The following CTNNA3 variants were observed in gnomAD, a reference collection of about 807,000 sequenced individuals.
CTNNA3 encodes the protein catenin alpha-3.
A neutral mutation model predicts 95.7 loss-of-function variants in CTNNA3; 76 were observed. The ratio of observed to expected loss-of-function variants is 0.79; its 90% CI spans 0.66 to 0.96. The LOEUF is 0.96. CTNNA3 is among the 40% of genes least tolerant of loss of function. The pLI is 0.00. For missense variants in CTNNA3, 1,191 were observed against 1,089.8 expected (o/e 1.09, Z -1.31); for synonymous variants, 431 against 374.4 (o/e 1.15, Z -1.74).
At chr10:67,524,364 C>A (rs1258062655) in intron 4 of CTNNA3, among the ~76,000 whole-genome samples, 1 of 144,716 alleles carries the variant, frequency 6.9e-6, no homozygotes, top group Non-Finnish European at 1.5e-5. Context: ...CGCCACTGCA[C>A]TCCAGCCTGG....
chr10:66,545,190 C>G (rs951128120), intron 10 of CTNNA3, among the ~76,000 whole-genome samples: 1 of 151,896 alleles, frequency 6.6e-6, no homozygotes, highest in South Asian at 2.1e-4. Context: ...ATAACCAATA[C>G]CCAAGTTGTG....
chr10:67,040,060 T>C (rs1854298424), intron 7 of CTNNA3, among the ~76,000 whole-genome samples: 1 of 152,098 alleles, frequency 6.6e-6, no homozygotes, highest in Non-Finnish European at 1.5e-5. Context: ...TTCATCTCTC[T>C]CTTTTTTTTG....
intron 11 of CTNNA3, among the ~76,000 whole-genome samples, chr10:66,420,431 T>C (rs752212670): frequency 8.5e-5 from 13 of 152,118 alleles, no homozygotes; most frequent in Non-Finnish European, 1.6e-4. Context: ...AAATATCACA[T>C]GCTGACAAGG....
At chr10:67,214,688 T>C (rs1459147582) in intron 6 of CTNNA3, among the ~76,000 whole-genome samples, 1 of 151,946 alleles carries the variant, frequency 6.6e-6, no homozygotes, top group Non-Finnish European at 1.5e-5. Context: ...AATATATTTA[T>C]CTTTTTTCTT....
chr10:67,723,429 T>G (rs1841191479), intron 1 of CTNNA3, among the ~76,000 whole-genome samples: 2 of 152,018 alleles, frequency 1.3e-5, no homozygotes, highest in Admixed American at 1.3e-4. Flanking sequence ...GTAGTGGAAC[T>G]ACAGGCGCAA....
At chr10:66,253,036 C>T (rs1281972314) in intron 13 of CTNNA3, among the ~76,000 whole-genome samples, 2 of 152,090 alleles carry the variant, frequency 1.3e-5, no homozygotes, top group Non-Finnish European at 2.9e-5. Flanking sequence ...GTTGTTTTCA[C>T]CATAATTTCT....
intron 16 of CTNNA3, among the ~76,000 whole-genome samples, chr10:65,972,625 T>TG (rs1025315967): frequency 6.6e-6 from 1 of 152,018 alleles, no homozygotes. Context: ...CACCTAGGCA[T>TG]GCATCTAACC....
intron 2 of CTNNA3, among the ~76,000 whole-genome samples, chr10:67,639,233 T>C (rs560030546): frequency 0.059 from 8,960 of 152,120 alleles, 288 homozygotes; most frequent in South Asian, 0.1. Context: ...AACACCTGTA[T>C]GCAAATAAAC....
intron 15 of CTNNA3, among the ~76,000 whole-genome samples, chr10:66,001,858 T>C (rs1044660551): frequency 2.0e-4 from 31 of 152,164 alleles, no homozygotes; most frequent in Middle Eastern, 3.2e-3. Flanking sequence ...TTCTTACACC[T>C]GCTGACAGTA....
At chr10:66,367,867 TAATAATAATA>T (rs1564903034) in intron 12 of CTNNA3, among the ~76,000 whole-genome samples, 44 of 54,478 alleles carry the variant, frequency 8.1e-4, no homozygotes, top group South Asian at 7.8e-4. Flanking sequence ...ATAATAATAA[TAATAATAATA>T]ATAATTATTA....
At chr10:67,477,880 G>T (rs544347259) in intron 5 of CTNNA3, among the ~76,000 whole-genome samples, 2 of 152,160 alleles carry the variant, frequency 1.3e-5, no homozygotes, top group Admixed American at 6.5e-5. Context: ...TTCAAAGCAC[G>T]AACTGCAAAT....
intron 3 of CTNNA3, among the ~76,000 whole-genome samples, chr10:67,575,042 T>C (rs952938191): frequency 6.6e-6 from 1 of 152,054 alleles, no homozygotes; most frequent in African/African-American, 2.4e-5. Flanking sequence ...TGAAATCATA[T>C]CTTCTTCTCC....
At chr10:66,867,800 A>G (rs569746909) in intron 7 of CTNNA3, among the ~76,000 whole-genome samples, 1 of 151,356 alleles carries the variant, frequency 6.6e-6, no homozygotes, top group East Asian at 1.9e-4. Context: ...ACAGATACAC[A>G]TTTACATTTA....
At chr10:66,469,714 T>G (rs74821766) in intron 11 of CTNNA3, among the ~76,000 whole-genome samples, 1,807 of 151,744 alleles carry the variant, frequency 0.012, 18 homozygotes, top group Middle Eastern at 0.024. Context: ...TTATTGTGAT[T>G]AAGGTGAAGG....
chr10:66,500,587 T>C (rs1188432372), intron 11 of CTNNA3, among the ~76,000 whole-genome samples: 2 of 152,168 alleles, frequency 1.3e-5, no homozygotes, highest in Admixed American at 6.5e-5. Flanking sequence ...AGTATTTATA[T>C]GTAATTTAGG....
intron 13 of CTNNA3, among the ~76,000 whole-genome samples, chr10:66,192,440 T>C (rs2086729397): frequency 6.6e-6 from 1 of 152,314 alleles, no homozygotes; most frequent in African/African-American, 2.4e-5. Flanking sequence ...GTGTTGATAT[T>C]CCCGTCATTT....
At chr10:67,141,600 T>G (rs1297310926) in intron 7 of CTNNA3, among the ~76,000 whole-genome samples, 4 of 152,184 alleles carry the variant, frequency 2.6e-5, no homozygotes, top group Non-Finnish European at 5.9e-5. Flanking sequence ...GTAGCCATAG[T>G]GAGGGCCATT....
chr10:66,004,165 A>C (rs1406287405), intron 15 of CTNNA3, among the ~76,000 whole-genome samples: 1 of 152,238 alleles, frequency 6.6e-6, no homozygotes, highest in Non-Finnish European at 1.5e-5. Context: ...GTCAGTATGC[A>C]TCTTAAAGCA....
intron 7 of CTNNA3, among the ~76,000 whole-genome samples, chr10:66,956,748 C>T (rs1358682088): frequency 6.6e-6 from 1 of 152,186 alleles, no homozygotes; most frequent in Non-Finnish European, 1.5e-5. Flanking sequence ...GGTTGCTTAA[C>T]TGATTTCAAC....
Sources: allele counts gnomAD v4.1 joint callset (sites outside exome capture counted in the v4.1 genomes callset), GRCh38; gene constraint gnomAD v4.1.1; transcripts MANE v1.5; gene names NCBI Gene and HGNC (gene_info 2026-07-23, HGNC 2026-07-21).